SPRTN: variants seen among roughly 807,000 people sequenced by gnomAD.
SPRTN encodes the protein DNA-dependent metalloprotease SPRTN.
A neutral mutation model predicts 31.9 loss-of-function variants in SPRTN; 11 were observed. That is an observed-to-expected ratio of 0.34 (90% CI 0.22 to 0.57). The LOEUF (loss-of-function observed/expected upper bound fraction) is 0.57. Among genes scored for constraint, SPRTN ranks in the 20% least tolerant of loss-of-function variants. The pLI, the probability that SPRTN is intolerant of heterozygous loss-of-function variation, is 0.86. For missense variants in SPRTN, 482 were observed against 590.1 expected, an observed-to-expected ratio of 0.82 and a Z score of 1.90; for synonymous variants, 185 against 212.1, an observed-to-expected ratio of 0.87 and a Z score of 1.11.
At chr1:231,340,755 A>G (rs1122131) in intron 2 of SPRTN, among the ~76,000 whole-genome samples, 87,733 of 151,482 alleles carry the variant, frequency 0.58, 25,883 homozygotes, top group Middle Eastern at 0.65. Flanking sequence ...CCGAGACCGT[A>G]CCATTGCATT....
chr1:231,353,261 C>T lies in SPRTN; in HGVS notation c.1370C>T (p.Pro457Leu). ...AGTCAGAGCAAAATGGTTAATTGCC[C>T]AGTTTGTCAGAATGAAGTTCTGGAG... ...SSSQSKMVNCPVCQNEVLESQ... is the reference protein window; with the variant it reads ...SSSQSKMVNCLVCQNEVLESQ... Residue 457 changes from proline (P) to leucine (L), a missense_variant, in exon 5 of 5, where the codon CCA (proline) becomes CTA (leucine). Around this residue, in one of 2 missense-constraint regions of SPRTN, gnomAD observed 325 missense variants for 350.2 expected, o/e 0.93. Coordinates refer to ENST00000295050, the MANE Select transcript of SPRTN (RefSeq NM_032018.7). 6.2e-7 allele frequency: 1 copy of T among 1,613,948 alleles called. No homozygotes were observed. Among genetic ancestry groups the T allele is most frequent in the Non-Finnish European group, 8.5e-7 (1 of 1,179,964 alleles).
At chr1:231,348,297 A>AT (rs527960173) in intron 3 of SPRTN, among the ~76,000 whole-genome samples, 22 of 152,268 alleles carry the variant, frequency 1.4e-4, no homozygotes, top group African/African-American at 4.8e-4. Context: ...TTCTTCTTTG[A>AT]TTCATATCTC....
chr1:231,338,512 G>A lies in SPRTN; in HGVS notation c.129G>A (p.Pro43=), dbSNP rs757869321. ...CGTGGGAGTTGGTGGACCCCACACCGGACTTGCAGGCACTGTTTGTTCAGT... is the reference window on the plus strand; with the variant it reads ...CGTGGGAGTTGGTGGACCCCACACCAGACTTGCAGGCACTGTTTGTTCAGT... ...DASWELVDPT[P]DLQALFVQFN... Residue 43 remains proline, a synonymous_variant, in exon 1 of 5, where the codon CCG becomes CCA. Coordinates refer to ENST00000295050, the MANE Select transcript of SPRTN (RefSeq NM_032018.7). 4.3e-6 allele frequency: 7 copies of A among 1,614,258 alleles called. No homozygotes were observed. In the South Asian group the frequency reaches 7.7e-5, roughly 18 times the overall value.
chr1:231,339,319 C>A, intron 1 of SPRTN: 1 of 324,650 alleles, frequency 3.1e-6, no homozygotes, highest in South Asian at 3.5e-5. Flanking sequence ...CTGGAGATAT[C>A]TGCTTGTTAA....
At chr1:231,349,325 A>G (rs530381641) in intron 3 of SPRTN, among the ~76,000 whole-genome samples, 2 of 152,198 alleles carry the variant, frequency 1.3e-5, no homozygotes, top group East Asian at 3.9e-4. Flanking sequence ...TTTTCTAAAG[A>G]CTTCATTTCA....
intron 4 of SPRTN, chr1:231,351,812 T>C: frequency 8.8e-7 from 1 of 1,129,960 alleles, no homozygotes; most frequent in Non-Finnish European, 1.1e-6. Flanking sequence ...TTTATTTTTA[T>C]TAACTTTTTT....
At chr1:231,344,818 A>T (rs1328536064) in intron 2 of SPRTN, 1 of 249,388 alleles carries the variant, frequency 4.0e-6, no homozygotes, top group Admixed American at 4.6e-5. Context: ...TTTTGCACAG[A>T]AACTTGTGCA....
Position 231,351,429 on chromosome 1 carries a change from T to C in SPRTN, c.576T>C (p.Ser192=). The C allele has an allele frequency of 1.9e-6, 3 of 1,614,180 alleles. No individual in the cohort carries two copies. The highest frequency in any genetic ancestry group is 2.5e-6 in the Non-Finnish European group (3 of 1,180,036). ...YVKRATNREP[S]AHDYWWAEHQ... is the part of the protein sequence containing the mutation. ...AACGAGCTACTAACAGGGAACCCTC[T>C]GCTCATGACTATTGGTGGGCTGAGC... The change falls in exon 4 of 5, where the codon TCT becomes TCC. Residue 192 remains serine, a synonymous_variant. Coordinates refer to ENST00000295050, the MANE Select transcript of SPRTN (RefSeq NM_032018.7).
In SPRTN at chr1:231,354,261, T is replaced by A. The variant is rs941440726; in HGVS notation, c.*900T>A. Reference sequence around the variant, plus strand: ...TTTGTGCATTTTAAGTAATCTTTTTTAAAAAAAATATTTTCCATGTTATAG... The same window carrying A: ...TTTGTGCATTTTAAGTAATCTTTTTAAAAAAAAATATTTTCCATGTTATAG... On this transcript the variant is annotated 3_prime_UTR_variant, in exon 5 of 5. Coordinates refer to ENST00000295050, the MANE Select transcript of SPRTN (RefSeq NM_032018.7). 2.1e-4 allele frequency: 206 copies of A among 976,860 alleles called. No homozygotes were observed. The highest frequency in any genetic ancestry group is 2.4e-4 in the Non-Finnish European group (194 of 822,262). The allele number at this position is 976,860 out of a possible 1,614,324, so 60.5% of individuals were successfully genotyped here.
chr1:231,342,817 C>T (rs999999895), intron 2 of SPRTN, among the ~76,000 whole-genome samples: 4 of 151,900 alleles, frequency 2.6e-5, no homozygotes, highest in Admixed American at 6.6e-5. Flanking sequence ...TCACTGCAAG[C>T]TCCGCCTCCC....
rs1687272960 is a variant in SPRTN, at chr1:231,352,638, A to G, written c.747A>G (p.Leu249=). ...AACCCAACAGAGGTGAGGCCCAGCT[A>G]GTAATCCCTTTTAGTGGGAAAGGAT... ...KDKPNRGEAQ[L]VIPFSGKGYV... is the part of the protein sequence containing the mutation. The change falls in exon 5 of 5, where the codon CTA becomes CTG. Residue 249 remains leucine (L), a synonymous_variant. Coordinates refer to ENST00000295050, the MANE Select transcript of SPRTN (RefSeq NM_032018.7). 1.9e-6 allele frequency: 3 copies of G among 1,602,078 alleles called. No individual in the cohort carries two copies. Among genetic ancestry groups the G allele is most frequent in the Non-Finnish European group, 1.7e-6 (2 of 1,175,898 alleles).
intron 3 of SPRTN, among the ~76,000 whole-genome samples, 170 bp downstream of exon 3, chr1:231,348,095 T>C (rs934153106): frequency 2.9e-4 from 44 of 152,244 alleles, no homozygotes; most frequent in African/African-American, 1.1e-3. Context: ...CATGGTGGAA[T>C]GGCAGCAGAG....
intron 2 of SPRTN, among the ~76,000 whole-genome samples, chr1:231,343,916 G>A (rs1175214401): frequency 6.6e-6 from 1 of 152,060 alleles, no homozygotes; most frequent in Admixed American, 6.6e-5. Flanking sequence ...ACAACTGGGG[G>A]CATATTTAGG....
Position 231,338,415 on chromosome 1 carries a change from T to C in SPRTN, c.32T>C (p.Leu11Pro), listed in dbSNP as rs1436518766. 3.1e-6 allele frequency: 5 copies of C among 1,614,256 alleles called. No homozygotes were observed. Among genetic ancestry groups the C allele is most frequent in the Non-Finnish European group, 4.2e-6 (5 of 1,180,044 alleles). Residue 11 changes from leucine to proline, a missense_variant, in exon 1 of 5, where the codon CTT becomes CCT. This residue lies in a region of SPRTN where 157 missense variants were observed against 239.9 expected (regional missense o/e 0.65). Transcript: ENST00000295050. The part of the protein sequence containing the change: MDDDLMLALR[L>P]QEEWNLQEAE... The stretch of plus-strand genomic sequence containing the variant: ...GATGACTTGATGTTGGCACTGCGGC[T>C]TCAGGAGGAGTGGAACTTGCAGGAG...
intron 3 of SPRTN, among the ~76,000 whole-genome samples, chr1:231,350,078 A>G (rs1169033022): frequency 6.6e-6 from 1 of 152,216 alleles, no homozygotes; most frequent in Non-Finnish European, 1.5e-5. Context: ...AGTTCTGAAC[A>G]TAATAGAGTG....
intron 2 of SPRTN, among the ~76,000 whole-genome samples, chr1:231,342,873 T>C (rs191517483): frequency 1.2e-3 from 183 of 152,178 alleles, no homozygotes; most frequent in African/African-American, 4.2e-3. Flanking sequence ...TAGCTGGGAC[T>C]ACAGGCACCC....
intron 2 of SPRTN, chr1:231,340,144 C>T (rs952517869): frequency 2.8e-5 from 7 of 252,230 alleles, no homozygotes; most frequent in Non-Finnish European, 5.4e-5. Context: ...GGGCGGATCA[C>T]GAGGTCAGAA....
chr1:231,348,030 G>C, intron 3 of SPRTN, 105 bp downstream of exon 3: 1 of 1,479,230 alleles, frequency 6.8e-7, no homozygotes, highest in Non-Finnish European at 9.0e-7. Context: ...TATCTTTGAG[G>C]ATTTTCCACA....
chr1:231,340,061 A>C (rs1434290906), intron 2 of SPRTN, 193 bp downstream of exon 2: 14 of 487,352 alleles, frequency 2.9e-5, no homozygotes, highest in East Asian at 7.7e-5. Context: ...AAAAAAAAAA[A>C]CAAAAAAAAG....
Sources: allele counts gnomAD v4.1 joint callset (sites outside exome capture counted in the v4.1 genomes callset), GRCh38; gene constraint gnomAD v4.1.1; regional missense constraint gnomAD v4.1.1; transcripts MANE v1.5; gene names NCBI Gene and HGNC (gene_info 2026-07-23, HGNC 2026-07-21).